Variants in WDPCP observed in about 807,000 individuals in gnomAD.
WDPCP encodes WD repeat-containing and planar cell polarity effector protein fritz homolog.
In WDPCP, 71 loss-of-function variants were observed where a neutral mutation model predicts 93.1. The ratio of observed to expected loss-of-function variants is 0.76; its 90% CI spans 0.63 to 0.93. The LOEUF is 0.93. Among genes scored for constraint, WDPCP ranks in the 40% least tolerant of loss-of-function variants. The probability of loss-of-function intolerance (pLI) is 0.00; values close to 1 mark genes in which losing one functional copy is unlikely to be tolerated. For missense variants in WDPCP, 844 were observed against 887.4 expected (o/e 0.95, Z 0.62); for synonymous variants, 315 against 315.0 (o/e 1.00, Z 0.00).
intron 2 of WDPCP, among the ~76,000 whole-genome samples, chr2:63,716,220 C>T (rs1042892753): frequency 1.3e-5 from 2 of 152,194 alleles, no homozygotes; most frequent in African/African-American, 4.8e-5. Flanking sequence ...GAAAGGACAA[C>T]TTTCTTTCTA....
intron 13 of WDPCP, among the ~76,000 whole-genome samples, chr2:63,294,876 G>T (rs1412699610): frequency 2.6e-5 from 4 of 152,038 alleles, no homozygotes; most frequent in Admixed American, 6.5e-5. Flanking sequence ...CTAAAAGCTA[G>T]CATTATTGTA....
At chr2:63,643,929 T>G (rs1463068533) in intron 3 of WDPCP, 6 of 502,442 alleles carry the variant, frequency 1.2e-5, no homozygotes, top group Non-Finnish European at 2.0e-5. Flanking sequence ...GGGAGGTACT[T>G]TCTCAACTTG....
At chr2:63,141,141 GC>G (rs1304884523) in intron 17 of WDPCP, among the ~76,000 whole-genome samples, 1 of 151,664 alleles carries the variant, frequency 6.6e-6, no homozygotes, top group East Asian at 1.9e-4. Context: ...GTGCAATGGT[GC>G]AATCTTGGCT....
At chr2:63,277,391 T>A (rs1402354017) in intron 13 of WDPCP, among the ~76,000 whole-genome samples, 2 of 152,200 alleles carry the variant, frequency 1.3e-5, no homozygotes. Context: ...AATAGAATAG[T>A]ACCTCACATC....
At chr2:63,719,423 G>A (rs1669384204) in intron 2 of WDPCP, among the ~76,000 whole-genome samples, 1 of 152,188 alleles carries the variant, frequency 6.6e-6, no homozygotes, top group African/African-American at 2.4e-5. Flanking sequence ...ACAAAACCTA[G>A]CTGAAAATCA....
At chr2:63,789,166 G>A (rs1289153576) in intron 2 of WDPCP, among the ~76,000 whole-genome samples, 1 of 152,126 alleles carries the variant, frequency 6.6e-6, no homozygotes, top group African/African-American at 2.4e-5. Context: ...ACAGAGATGT[G>A]CCAGATAAGT....
intron 10 of WDPCP, among the ~76,000 whole-genome samples, chr2:63,389,290 AG>A (rs1037493856): frequency 2.0e-5 from 3 of 152,342 alleles, no homozygotes; most frequent in African/African-American, 7.2e-5. Flanking sequence ...TCTCATATCC[AG>A]CCAAACTAAG....
At chr2:63,838,057 T>A in the WDPCP span, among the ~76,000 whole-genome samples, 2 of 151,524 alleles carry the variant, frequency 1.3e-5, no homozygotes, top group Admixed American at 1.3e-4. Context: ...ATCGCACCAC[T>A]GCACTCCAGC....
intron 1 of WDPCP, among the ~76,000 whole-genome samples, chr2:63,576,553 T>C (rs914550528): frequency 3.3e-5 from 5 of 152,224 alleles, no homozygotes; most frequent in Non-Finnish European, 7.3e-5. Context: ...AGAAGCTCTC[T>C]GAACCCTGTC....
At chr2:63,446,983 A>C (rs1697908334) in intron 6 of WDPCP, among the ~76,000 whole-genome samples, 1 of 152,252 alleles carries the variant, frequency 6.6e-6, no homozygotes, top group African/African-American at 2.4e-5. Flanking sequence ...TTAATAAATC[A>C]GTCACATCTG....
In WDPCP at chr2:63,805,001, C is replaced by A. The variant is rs74767010; in HGVS notation, n.308+8621G>T. 9.9e-5 allele frequency among the ~76,000 whole-genome samples: 15 copies of A among 152,044 alleles called. No individual in the cohort carries two copies. In the East Asian group the frequency reaches 2.9e-3, roughly 30 times the overall value. On this transcript the variant is annotated intron_variant and non_coding_transcript_variant, in intron 2 of 4. Coordinates refer to the WDPCP transcript ENST00000467687. ...CGAGATGGCACCCCTGTACTCCAGC[C>A]TGGATGAAAGAGTGAAACTCCATTT... is the stretch of plus-strand genomic sequence containing the variant.
chr2:63,566,295 T>C (rs1281654730), intron 1 of WDPCP, among the ~76,000 whole-genome samples: 1 of 152,222 alleles, frequency 6.6e-6, no homozygotes, highest in Non-Finnish European at 1.5e-5. Flanking sequence ...TTGCGTCCTT[T>C]GGAAAAGCTA....
intron 3 of WDPCP, chr2:63,622,770 G>C: frequency 6.2e-7 from 1 of 1,612,730 alleles, no homozygotes; most frequent in Non-Finnish European, 8.5e-7. Context: ...CTGCCAGAAG[G>C]CGGCGAACAC....
chr2:63,479,324 A>G (rs1399092614), intron 6 of WDPCP, among the ~76,000 whole-genome samples: 5 of 152,138 alleles, frequency 3.3e-5, no homozygotes, highest in Non-Finnish European at 7.4e-5. Flanking sequence ...AATCCTCCCT[A>G]AATCATTCTA....
intron 2 of WDPCP, among the ~76,000 whole-genome samples, chr2:63,685,672 T>C (rs999032610): frequency 6.6e-6 from 1 of 152,166 alleles, no homozygotes; most frequent in African/African-American, 2.4e-5. Context: ...TACAGGCCAA[T>C]ATCTCTGATG....
chr2:63,266,642 C>T (rs887420866), intron 13 of WDPCP, among the ~76,000 whole-genome samples: 1 of 152,074 alleles, frequency 6.6e-6, no homozygotes, highest in East Asian at 1.9e-4. Flanking sequence ...CCCATCTCTA[C>T]TAAAAATACA....
chr2:63,252,305 T>A (rs1270765588), intron 14 of WDPCP, among the ~76,000 whole-genome samples: 3 of 152,186 alleles, frequency 2.0e-5, no homozygotes, highest in Non-Finnish European at 4.4e-5. Context: ...GAGCCATCTA[T>A]GACAAACCCA....
chr2:63,605,264 C>T (rs2106628415), intron 3 of WDPCP: 3 of 1,561,852 alleles, frequency 1.9e-6, no homozygotes, highest in Non-Finnish European at 2.6e-6. Context: ...GCTGCCTTCA[C>T]CTGCCCCCTT....
At chr2:63,446,840 T>C (rs1488743332) in intron 6 of WDPCP, among the ~76,000 whole-genome samples, 1 of 152,218 alleles carries the variant, frequency 6.6e-6, no homozygotes, top group Non-Finnish European at 1.5e-5. Context: ...CATTCTCTGC[T>C]CACCAATCAG....
Sources: gnomAD v4.1 joint callset for allele counts (sites outside exome capture counted in the v4.1 genomes callset) on GRCh38, gnomAD v4.1.1 for gene constraint, MANE v1.5 for transcripts, NCBI Gene and HGNC (gene_info 2026-07-23, HGNC 2026-07-21) for gene names.